Variants in MROH2A observed in about 807,000 individuals in gnomAD.
MROH2A encodes the protein maestro heat like repeat family member 2A.
In MROH2A, 174 loss-of-function variants were observed where a neutral mutation model predicts 200.4. The observed-to-expected ratio is 0.87, with a 90% CI of 0.77 to 0.98. MROH2A has a LOEUF of 0.98. MROH2A is among the 50% of genes least tolerant of loss of function. MROH2A has a pLI of 0.00. For synonymous variants in MROH2A, 829 were observed against 840.4 expected (o/e 0.99, Z 0.23); for missense variants, 2,045 against 2,139.6 (o/e 0.96, Z 0.87).
Position 233,816,872 on chromosome 2 carries a change from G to C in MROH2A, c.2948G>C (p.Ser983Thr), listed in dbSNP as rs1158619958. ...TATCTCATGTGGATTTATGTCCACA[G>C]CACTGCTGTCTGTGTGAGTCCAGGA... ...HLYLMWIYVH[S>T]TAVCIHLKLG... Residue 983 changes from serine (S) to threonine (T), a missense_variant, in exon 27 of 42, where the codon AGC (serine) becomes ACC (threonine). Physicochemically the swap from Ser to Thr is moderately conservative, Grantham distance 58. Around this residue, in one of 3 missense-constraint regions of MROH2A, gnomAD observed 1,201 missense variants for 1,311.3 expected, o/e 0.92. Transcript: ENST00000389758. 4 of 1,544,864 alleles carry C rather than the reference G, an allele frequency of 2.6e-6. No homozygotes were observed. The highest frequency in any genetic ancestry group is 1.7e-4 in the Middle Eastern group (1 of 5,918).
rs183552207 is a variant in MROH2A at position 233,792,884 on chromosome 2, G to A, written c.660G>A (p.Ala220=). ...RLANEAKIRQ[A]ICSAMETFCE... Reference sequence around the variant, plus strand: ...CCAATGAAGCCAAGATACGCCAGGCGATCTGCAGTGGTGAGTGTCCCACTT... The same window carrying A: ...CCAATGAAGCCAAGATACGCCAGGCAATCTGCAGTGGTGAGTGTCCCACTT... The change falls in exon 6 of 42, where the codon GCG becomes GCA. Residue 220 remains alanine (A), a synonymous_variant. Coordinates refer to ENST00000389758, the MANE Select transcript of MROH2A (RefSeq NM_001394639.1). 1,556 of 1,550,514 alleles carry A rather than the reference G, an allele frequency of 1.0e-3. No homozygotes were observed. The highest frequency in any genetic ancestry group is 1.2e-3 in the Non-Finnish European group (1,415 of 1,147,012).
intron 19 of MROH2A, among the ~76,000 whole-genome samples, chr2:233,806,496 G>T (rs755374526): frequency 6.6e-6 from 1 of 152,076 alleles, no homozygotes; most frequent in South Asian, 2.1e-4. Context: ...ATGGGAAAAA[G>T]AATATAGCCA....
intron 23 of MROH2A, among the ~76,000 whole-genome samples, chr2:233,811,177 G>GTT (rs1703132298): frequency 1.3e-5 from 2 of 152,362 alleles, no homozygotes; most frequent in South Asian, 4.1e-4. Context: ...AGGGCAGCTG[G>GTT]TTAAGGCCTG....
rs1250207023 is a variant in MROH2A, at chr2:233,800,277, G to A, written c.1522G>A (p.Val508Met). Reference protein sequence around the residue: ...RMVHKVTMDTVKIITSSVSGM... With the variant: ...RMVHKVTMDTMKIITSSVSGM... ...GGTCCACAAAGTCACCATGGACACT[G>A]TGAAGATCATTACCTCTTCTGTCAG... Residue 508 changes from valine (V) to methionine (M), a missense_variant, in exon 14 of 42, where the codon GTG (valine) becomes ATG (methionine). By Grantham distance (21) the Val-to-Met change is conservative. Coordinates refer to ENST00000389758, the MANE Select transcript of MROH2A (RefSeq NM_001394639.1). 8.4e-6 allele frequency: 13 copies of A among 1,550,032 alleles called. No homozygotes were observed. Among genetic ancestry groups the A allele is most frequent in the African/African-American group, 1.4e-5 (1 of 73,034 alleles).
At chr2:233,817,421 G>A (rs1436364965) in intron 27 of MROH2A, among the ~76,000 whole-genome samples, 1 of 152,098 alleles carries the variant, frequency 6.6e-6, no homozygotes, top group Non-Finnish European at 1.5e-5. Flanking sequence ...GGCGTCTGGT[G>A]CAGGGAGAGA....
At chr2:233,832,512 A>G in intron 40 of MROH2A, 67 bp from the exon 41 acceptor site, 1 of 1,263,748 alleles carries the variant, frequency 7.9e-7, no homozygotes, top group Non-Finnish European at 1.1e-6. Context: ...AAGTAAGTAA[A>G]CCACAGGACG....
At position 233,815,609 on chromosome 2, in the gene MROH2A, T is replaced by G. The variant is rs28900970; in HGVS notation, c.2856+932T>G. Among the ~76,000 whole-genome samples the G allele has an allele frequency of 0.016, 2,397 of 152,304 alleles. 128 individuals are homozygous for G. In the East Asian group the frequency reaches 0.2, roughly 13 times the overall value. On this transcript the variant is annotated intron_variant, in intron 26 of 41. Transcript: ENST00000389758. Reference sequence around the variant, plus strand: ...AAAGTTTATTTTAATTTTTTGCACATGGATAGCCAATTGTTTCAGCACCCT... The same window carrying G: ...AAAGTTTATTTTAATTTTTTGCACAGGGATAGCCAATTGTTTCAGCACCCT...
At chr2:233,781,023 A>G (rs1700932284) in intron 3 of MROH2A, among the ~76,000 whole-genome samples, 1 of 152,230 alleles carries the variant, frequency 6.6e-6, no homozygotes, top group Non-Finnish European at 1.5e-5. Context: ...TTCACTTGAC[A>G]TAATGTCCTC....
chr2:233,816,102 C>T (rs568773841), intron 26 of MROH2A, among the ~76,000 whole-genome samples: 1 of 152,040 alleles, frequency 6.6e-6, no homozygotes, highest in East Asian at 1.9e-4. Flanking sequence ...ATTTTGTTGC[C>T]CAGATACCAT....
intron 15 of MROH2A, among the ~76,000 whole-genome samples, chr2:233,803,069 A>G (rs1370114882): frequency 6.6e-6 from 1 of 152,206 alleles, no homozygotes; most frequent in Non-Finnish European, 1.5e-5. Context: ...TGGCTCCCAA[A>G]GCCTGTGGAG....
chr2:233,794,238 G>C, intron 7 of MROH2A, 125 bp from the exon 8 acceptor site: 2 of 713,932 alleles, frequency 2.8e-6, no homozygotes, highest in Non-Finnish European at 4.7e-6. Context: ...GTGCAGGAAA[G>C]ACCTTGCTCT....
At chr2:233,788,065 A>T (rs1448930978) in intron 3 of MROH2A, among the ~76,000 whole-genome samples, 2 of 61,518 alleles carry the variant, frequency 3.3e-5, no homozygotes, top group Non-Finnish European at 5.6e-5. Context: ...TACATATATT[A>T]TATATATACA....
chr2:233,814,466 C>G, intron 25 of MROH2A, 116 bp from the exon 26 acceptor site: 2 of 649,794 alleles, frequency 3.1e-6, no homozygotes, highest in East Asian at 5.7e-5. Flanking sequence ...AGAGCTCAGA[C>G]TGAACAGAAG....
chr2:233,815,140 G>C (rs1703429518), intron 26 of MROH2A, among the ~76,000 whole-genome samples: 2 of 152,214 alleles, frequency 1.3e-5, no homozygotes, highest in Admixed American at 1.3e-4. Context: ...ATTAGGCAGT[G>C]CATCTACCTG....
intron 8 of MROH2A, among the ~76,000 whole-genome samples, chr2:233,795,421 C>T (rs752533247): frequency 7.2e-5 from 11 of 152,152 alleles, no homozygotes; most frequent in Non-Finnish European, 1.5e-4. Flanking sequence ...CACTCAGGGG[C>T]CTAGCGCAGC....
chr2:233,810,471 T>C (rs1391869341), intron 22 of MROH2A, among the ~76,000 whole-genome samples: 1 of 152,210 alleles, frequency 6.6e-6, no homozygotes, highest in Non-Finnish European at 1.5e-5. Flanking sequence ...TACCACCCGC[T>C]GGGTCCCTCC....
chr2:233,829,646 C>T lies in MROH2A; in HGVS notation c.4473C>T (p.Ala1491=), dbSNP rs1312512827. The change falls in exon 38 of 42, where the codon GCC becomes GCT. Residue 1491 remains alanine (A), a synonymous_variant. Coordinates refer to ENST00000389758, the MANE Select transcript of MROH2A (RefSeq NM_001394639.1). The part of the protein sequence containing the change: ...DNESELLRLK[A]FILFGKLARV... ...AGAGCGAGCTGCTGCGTCTGAAAGC[C>T]TTCATCCTCTTTGGAAAGCTGGCAA... 8 of 1,469,490 alleles carry T rather than the reference C, an allele frequency of 5.4e-6. No individual in the cohort carries two copies. The highest frequency in any genetic ancestry group is 1.4e-5 in the South Asian group (1 of 70,236). 91.0% of individuals were successfully genotyped at this position (1,469,490 alleles called of 1,614,324 possible). A position where few individuals can be genotyped will look rare whatever the true frequency, so the allele number is the denominator to read the frequency against.
intron 38 of MROH2A, 45 bp downstream of exon 38, chr2:233,829,820 T>C: frequency 1.6e-6 from 2 of 1,289,136 alleles, no homozygotes; most frequent in Non-Finnish European, 2.0e-6. Context: ...GGGCCCGCTG[T>C]TCCCCGAGGA....
At chr2:233,780,033 T>G (rs1342047734) in intron 3 of MROH2A, among the ~76,000 whole-genome samples, 181 bp downstream of exon 3, 1 of 152,230 alleles carries the variant, frequency 6.6e-6, no homozygotes, top group African/African-American at 2.4e-5. Flanking sequence ...TTCATAATTT[T>G]TAAAAGTTCC....
Sources: gnomAD v4.1 joint callset for allele counts (sites outside exome capture counted in the v4.1 genomes callset) on GRCh38, gnomAD v4.1.1 for gene constraint, gnomAD v4.1.1 regional missense constraint, MANE v1.5 for transcripts, NCBI Gene and HGNC (gene_info 2026-07-23, HGNC 2026-07-21) for gene names.